DDX25: variants seen among roughly 807,000 people sequenced by gnomAD.
The protein encoded by DDX25 is ATP-dependent RNA helicase DDX25.
DDX25 carries 70 observed loss-of-function variants against 64.6 expected under a neutral mutation model. The observed-to-expected ratio is 1.08, with a 90% CI of 0.89 to 1.32. DDX25 has a LOEUF of 1.32. DDX25 is among the 40% of genes most tolerant of loss of function. The probability of loss-of-function intolerance (pLI) is 0.00; values close to 1 mark genes in which losing one functional copy is unlikely to be tolerated. For synonymous variants in DDX25, 211 were observed against 213.3 expected, an observed-to-expected ratio of 0.99 and a Z score of 0.09; for missense variants, 587 against 604.4, an observed-to-expected ratio of 0.97 and a Z score of 0.30.
chr11:125,925,388 G>A lies in DDX25; in HGVS notation c.*2507G>A, dbSNP rs990368441. The A allele has an allele frequency of 2.2e-6, 1 of 456,240 alleles. No homozygotes were observed. Among genetic ancestry groups the A allele is most frequent in the South Asian group, 1.5e-5 (1 of 64,552 alleles). 28.3% of individuals were successfully genotyped at this position (456,240 alleles called of 1,614,324 possible). On this transcript the variant is annotated 3_prime_UTR_variant, in exon 12 of 12. Coordinates refer to ENST00000263576, the MANE Select transcript of DDX25 (RefSeq NM_013264.5). Reference sequence around the variant, plus strand: ...CTAGGAGGCAGCAAAGCCATCCTGTGTCACAGCTGCATTAACACGAACTGG... The same window carrying A: ...CTAGGAGGCAGCAAAGCCATCCTGTATCACAGCTGCATTAACACGAACTGG...
rs1167959293 is a variant in DDX25, at chr11:125,922,807, T to G, written c.1391-13T>G. 2 of 1,602,334 alleles carry G rather than the reference T, an allele frequency of 1.2e-6. No homozygotes were observed. Among genetic ancestry groups the G allele is most frequent in the African/African-American group, 2.7e-5 (2 of 74,794 alleles). On this transcript the variant is annotated splice_polypyrimidine_tract_variant and intron_variant, in intron 11 of 11. Transcript: ENST00000263576. ...TGACATGAGACTAGTTCTGTTCTCT[T>G]TTGTTCTTTTAGACAGCAGTATTAA...
chr11:125,914,157 C>T (rs773965100), intron 8 of DDX25, among the ~76,000 whole-genome samples: 2 of 152,188 alleles, frequency 1.3e-5, no homozygotes, highest in Non-Finnish European at 2.9e-5. Flanking sequence ...CAGCCTCTTT[C>T]ACAGCAGAAC....
chr11:125,911,970 TAC>T (rs1182888084), intron 8 of DDX25, among the ~76,000 whole-genome samples: 1 of 152,334 alleles, frequency 6.6e-6, no homozygotes, highest in African/African-American at 2.4e-5. Flanking sequence ...GATTTAAAAC[TAC>T]AGATTACCGG....
chr11:125,910,934 C>T (rs1944959051), intron 7 of DDX25, among the ~76,000 whole-genome samples: 2 of 149,618 alleles, frequency 1.3e-5, no homozygotes, highest in African/African-American at 2.5e-5. Context: ...TTTTTGAGCT[C>T]ATACATGCAC....
rs1945114897 is a variant in DDX25, at chr11:125,921,468, A to G, written c.1390+89A>G. 1.4e-6 allele frequency: 2 copies of G among 1,449,266 alleles called. No individual in the cohort carries two copies. Among genetic ancestry groups the G allele is most frequent in the South Asian group, 1.4e-5 (1 of 71,790 alleles). 89.8% of individuals were successfully genotyped at this position (1,449,266 alleles called of 1,614,324 possible). On this transcript the variant is annotated intron_variant, in intron 11 of 11. Coordinates refer to ENST00000263576, the MANE Select transcript of DDX25 (RefSeq NM_013264.5). This position sits in a 1 kb window ranked among gnomAD's most constrained non-coding sequence, Gnocchi z 4.1. ...CTGGAGAGCTGGAGTCCAGGGGCTC[A>G]TGAGAGTAGTAGAAGCAGAATGCAT...
chr11:125,907,415 T>G (rs12283546), intron 4 of DDX25, among the ~76,000 whole-genome samples: 2 of 152,196 alleles, frequency 1.3e-5, no homozygotes, highest in South Asian at 2.1e-4. Context: ...GAGACCATCC[T>G]GGCTAACACA....
Position 125,923,290 on chromosome 11 carries a change from C to G in DDX25, c.*409C>G, listed in dbSNP as rs1331742162. 6.3e-6 allele frequency: 1 copy of G among 159,658 alleles called. No individual in the cohort carries two copies. Among genetic ancestry groups the G allele is most frequent in the African/African-American group, 2.4e-5 (1 of 41,778 alleles). 9.9% of individuals were successfully genotyped at this position (159,658 alleles called of 1,614,324 possible). ...AGCCCATGTCTTCAGACCTCACTCACAGGTGCCCTTTCCAGCCATTTATGC... is the reference window on the plus strand; with the variant it reads ...AGCCCATGTCTTCAGACCTCACTCAGAGGTGCCCTTTCCAGCCATTTATGC... On this transcript the variant is annotated 3_prime_UTR_variant, in exon 12 of 12. Coordinates refer to ENST00000263576, the MANE Select transcript of DDX25 (RefSeq NM_013264.5).
intron 4 of DDX25, among the ~76,000 whole-genome samples, chr11:125,907,772 AAAAATTTGTCTTCTCTG>A (rs1944913991): frequency 6.6e-6 from 1 of 152,254 alleles, no homozygotes; most frequent in South Asian, 2.1e-4. Flanking sequence ...TCACCTAAAT[AAAAATTTGTCTTCTCTG>A]AAAATTACTG....
chr11:125,906,348 C>G, intron 4 of DDX25, 139 bp downstream of exon 4: 10 of 1,116,392 alleles, frequency 9.0e-6, no homozygotes, highest in Non-Finnish European at 1.2e-5. Flanking sequence ...GAGACAGAGT[C>G]TCACTCTGTC....
intron 11 of DDX25, 92 bp from the exon 12 acceptor site, chr11:125,922,728 A>T (rs1028235248): frequency 3.1e-5 from 37 of 1,191,452 alleles, no homozygotes; most frequent in Non-Finnish European, 2.0e-5. Flanking sequence ...GGCTTTTTAT[A>T]CGAGGTATCA....
At chr11:125,910,046 A>G (rs1944946636) in intron 6 of DDX25, among the ~76,000 whole-genome samples, 2 of 152,108 alleles carry the variant, frequency 1.3e-5, no homozygotes, top group Non-Finnish European at 2.9e-5. Context: ...CAGCTTCCCT[A>G]CATCCCATTC....
chr11:125,923,989 T>A lies in DDX25; in HGVS notation c.*1108T>A, dbSNP rs563895502. 2.0e-5 allele frequency: 3 copies of A among 152,186 alleles called. No homozygotes were observed. Among genetic ancestry groups the A allele is most frequent in the African/African-American group, 7.2e-5 (3 of 41,426 alleles). 9.4% of individuals were successfully genotyped at this position (152,186 alleles called of 1,614,324 possible). A position where few individuals can be genotyped will look rare whatever the true frequency, so the allele number is the denominator to read the frequency against. ...AAATACATAAAAATCATCACGTGGCTGGGCACAGTGGCTCACACCTGTAAT... is the reference window on the plus strand; with the variant it reads ...AAATACATAAAAATCATCACGTGGCAGGGCACAGTGGCTCACACCTGTAAT... On this transcript the variant is annotated 3_prime_UTR_variant, in exon 12 of 12. Transcript: ENST00000263576.
chr11:125,908,131 G>C, intron 4 of DDX25, 65 bp from the exon 5 acceptor site: 1 of 1,304,332 alleles, frequency 7.7e-7, no homozygotes, highest in Non-Finnish European at 1.1e-6. Context: ...GCACCTTTCA[G>C]GTATGTATTT....
rs767427755 is a variant in DDX25, at chr11:125,917,144, A to G, written c.931A>G (p.Asn311Asp). ...KLRKEELTLN[N>D]IRQYYVLCEH... is the part of the protein sequence containing the mutation. ...ACGCAAAGAGGAGCTCACACTGAAC[A>G]ACATCCGGCAATATTACGTGCTGTG... Residue 311 changes from asparagine to aspartate, a missense_variant, in exon 9 of 12, where the codon AAC becomes GAC. Transcript: ENST00000263576. 1.2e-6 allele frequency: 2 copies of G among 1,611,180 alleles called. No individual in the cohort carries two copies. Among genetic ancestry groups the G allele is most frequent in the East Asian group, 2.2e-5 (1 of 44,856 alleles).
intron 8 of DDX25, among the ~76,000 whole-genome samples, chr11:125,912,043 C>T (rs903602020): frequency 2.0e-5 from 3 of 152,100 alleles, no homozygotes; most frequent in Non-Finnish European, 2.9e-5. Context: ...ATCTGTATCA[C>T]GTATTTTTTA....
rs1263581874 is a variant in DDX25 at position 125,925,499 on chromosome 11, G to C, written c.*2618G>C. The C allele has an allele frequency of 6.6e-6, 3 of 456,002 alleles. No homozygotes were observed. Among genetic ancestry groups the C allele is most frequent in the Non-Finnish European group, 1.3e-5 (3 of 226,880 alleles). The allele number at this position is 456,002 out of a possible 1,614,324, so 28.2% of individuals were successfully genotyped here. ...CTGTAAGCAATTTTCCCGTCTTCCT[G>C]CATGGCCTGGCCAAGGTCATCTCTC... On this transcript the variant is annotated 3_prime_UTR_variant, in exon 12 of 12. Coordinates refer to ENST00000263576, the MANE Select transcript of DDX25 (RefSeq NM_013264.5).
chr11:125,917,003 CTCT>C lies in DDX25; in HGVS notation c.801-10_801-8del, dbSNP rs1291992474. 2.5e-6 allele frequency: 4 copies of C among 1,576,372 alleles called. No homozygotes were observed. The highest frequency in any genetic ancestry group is 2.6e-6 in the Non-Finnish European group (3 of 1,159,924). Reference sequence around the variant, plus strand: ...GGCAGCTTGGTGACAGCCTTCTCTCCTCTATCACAGAGCTCTACCCTCCGAATG... The same window carrying C: ...GGCAGCTTGGTGACAGCCTTCTCTCCATCACAGAGCTCTACCCTCCGAATG... On this transcript the variant is annotated splice_polypyrimidine_tract_variant and splice_region_variant and intron_variant, in intron 8 of 11. Coordinates refer to ENST00000263576, the MANE Select transcript of DDX25 (RefSeq NM_013264.5).
intron 4 of DDX25, among the ~76,000 whole-genome samples, chr11:125,906,534 A>T (rs1944890963): frequency 6.6e-6 from 1 of 152,078 alleles, no homozygotes; most frequent in Admixed American, 6.6e-5. Flanking sequence ...ATGCAATCAA[A>T]ATATAGCTCA....
chr11:125,908,532 A>G, intron 6 of DDX25, 29 bp downstream of exon 6: 1 of 1,586,822 alleles, frequency 6.3e-7, no homozygotes, highest in African/African-American at 1.3e-5. Context: ...AAGACTGGGA[A>G]TGCTTGCACT....
Sources: allele counts gnomAD v4.1 joint callset (sites outside exome capture counted in the v4.1 genomes callset), GRCh38; gene constraint gnomAD v4.1.1; non-coding constraint Gnocchi (gnomAD v3.1); transcripts MANE v1.5; gene names NCBI Gene and HGNC (gene_info 2026-07-23, HGNC 2026-07-21).